The following DIP2B variants were observed in gnomAD, a reference collection of about 807,000 sequenced individuals.
DIP2B encodes the protein DIP2 acetate--CoA ligase B (putative).
Under a neutral mutation model 198.0 loss-of-function variants are expected in DIP2B, and 76 were observed. The observed-to-expected ratio is 0.38, with a 90% CI of 0.32 to 0.46. DIP2B has a LOEUF of 0.46. Among genes scored for constraint, DIP2B ranks in the 20% least tolerant of loss-of-function variants. The pLI is 0.99. For missense variants in DIP2B, 1,559 were observed against 1,978.4 expected (o/e 0.79, Z 4.02); for synonymous variants, 701 against 739.1 (o/e 0.95, Z 0.84).
At chr12:50,602,989 C>G (rs1448907478) in intron 1 of DIP2B, among the ~76,000 whole-genome samples, 1 of 151,418 alleles carries the variant, frequency 6.6e-6, no homozygotes, top group Non-Finnish European at 1.5e-5. Flanking sequence ...ACGGTGAAAC[C>G]CTGTCTCTAC....
At chr12:50,660,925 G>A (rs1330720083) in intron 4 of DIP2B, among the ~76,000 whole-genome samples, 1 of 152,064 alleles carries the variant, frequency 6.6e-6, no homozygotes, top group Non-Finnish European at 1.5e-5. Context: ...TGAGATCAGT[G>A]AGAACTAGGT....
At chr12:50,543,286 T>C (rs1958342719) in intron 1 of DIP2B, among the ~76,000 whole-genome samples, 1 of 151,920 alleles carries the variant, frequency 6.6e-6, no homozygotes, top group African/African-American at 2.4e-5. Context: ...AGTTTTTTTT[T>C]TTCCCCCTTT....
chr12:50,721,165 A>T, intron 25 of DIP2B, 108 bp from the exon 26 acceptor site: 1 of 1,457,552 alleles, frequency 6.9e-7, no homozygotes, highest in Non-Finnish European at 9.2e-7. Context: ...TGCTAAGGAT[A>T]ATCTACAAAA....
chr12:50,511,090 C>A (rs1220688713), intron 1 of DIP2B, among the ~76,000 whole-genome samples: 1 of 151,614 alleles, frequency 6.6e-6, no homozygotes, highest in South Asian at 2.1e-4. Flanking sequence ...GGATTACAGG[C>A]GCCCTCCACC....
chr12:50,680,668 C>A lies in DIP2B; in HGVS notation c.1115-4C>A. 8 of 1,550,764 alleles carry A rather than the reference C, an allele frequency of 5.2e-6. No individual in the cohort carries two copies. The highest frequency in any genetic ancestry group is 1.9e-5 in the Admixed American group (1 of 52,178). On this transcript the variant is annotated splice_polypyrimidine_tract_variant and splice_region_variant and intron_variant, in intron 8 of 37. Transcript: ENST00000301180. ...ACTGTTGTTTTTTTTTCCTTTTTTT[C>A]CAGGAAAGTTGTGGAGCAGAAGTTT...
chr12:50,535,252 T>C (rs577357246), intron 1 of DIP2B, among the ~76,000 whole-genome samples: 1 of 152,002 alleles, frequency 6.6e-6, no homozygotes, highest in Non-Finnish European at 1.5e-5. Context: ...AAAAATAAAT[T>C]AACTGGGCAG....
At chr12:50,553,120 G>A (rs12582712) in intron 1 of DIP2B, among the ~76,000 whole-genome samples, 41,538 of 152,128 alleles carry the variant, frequency 0.27, 6,008 homozygotes, top group East Asian at 0.39. Context: ...ACAGGTGTGA[G>A]CCACTGCACC....
chr12:50,623,392 TACACAC>T (rs55689070), intron 1 of DIP2B, among the ~76,000 whole-genome samples: 1,902 of 94,094 alleles, frequency 0.02, 93 homozygotes, highest in East Asian at 0.098. Context: ...TATATGTATC[TACACAC>T]ACACACACAC....
At chr12:50,574,096 G>C (rs1174511369) in intron 1 of DIP2B, among the ~76,000 whole-genome samples, 1 of 152,060 alleles carries the variant, frequency 6.6e-6, no homozygotes, top group Non-Finnish European at 1.5e-5. Flanking sequence ...ACAAACAAAT[G>C]TGAAGGACAA....
At chr12:50,734,604 G>C (rs1392697010) in intron 33 of DIP2B, among the ~76,000 whole-genome samples, 1 of 152,128 alleles carries the variant, frequency 6.6e-6, no homozygotes, top group Non-Finnish European at 1.5e-5. Context: ...GCCCAGAAGG[G>C]AATTTTAGCT....
chr12:50,539,654 G>A (rs987517399), intron 1 of DIP2B, among the ~76,000 whole-genome samples: 1 of 148,076 alleles, frequency 6.8e-6, no homozygotes, highest in African/African-American at 2.5e-5. Context: ...GATTAAAGAA[G>A]AATAATAGAT....
chr12:50,630,611 A>G (rs1938028385), intron 2 of DIP2B, among the ~76,000 whole-genome samples: 1 of 151,536 alleles, frequency 6.6e-6, no homozygotes, highest in Admixed American at 6.6e-5. Flanking sequence ...CTCTTAAAGG[A>G]CACAAGGACT....
chr12:50,594,890 A>G (rs1958865294), intron 1 of DIP2B, among the ~76,000 whole-genome samples: 1 of 152,124 alleles, frequency 6.6e-6, no homozygotes, highest in African/African-American at 2.4e-5. Context: ...TATCTGGCTT[A>G]TTTTAACAAT....
intron 13 of DIP2B, among the ~76,000 whole-genome samples, chr12:50,692,338 A>G (rs1409526703): frequency 6.6e-6 from 1 of 151,896 alleles, no homozygotes; most frequent in Non-Finnish European, 1.5e-5. Context: ...TAGGAAATTT[A>G]TATTTGTCAA....
chr12:50,516,406 C>G (rs1296017199), intron 1 of DIP2B, among the ~76,000 whole-genome samples: 2 of 152,086 alleles, frequency 1.3e-5, no homozygotes, highest in South Asian at 2.1e-4. Context: ...AGGCGTGTGC[C>G]ACCACACCTG....
rs12161809 is a variant in DIP2B, at chr12:50,543,154, G to A, written c.100+37914G>A. Among the ~76,000 whole-genome samples the A allele has an allele frequency of 8.8e-3, 1,342 of 152,072 alleles. 55 individuals carry two copies. In the East Asian group the frequency reaches 0.13, roughly 15 times the overall value. On this transcript the variant is annotated intron_variant, in intron 1 of 37. Coordinates refer to ENST00000301180, the MANE Select transcript of DIP2B (RefSeq NM_173602.3). Reference sequence around the variant, plus strand: ...TTCCCAAAGTGATGGGATTATAGGCGTGAGCCACCGTGCCTGTCCCAGAGG... The same window carrying A: ...TTCCCAAAGTGATGGGATTATAGGCATGAGCCACCGTGCCTGTCCCAGAGG...
At chr12:50,513,094 C>T (rs1215392524) in intron 1 of DIP2B, among the ~76,000 whole-genome samples, 4 of 152,126 alleles carry the variant, frequency 2.6e-5, no homozygotes, top group East Asian at 1.9e-4. Flanking sequence ...TATAGTATGG[C>T]GTGCGGTGAG....
chr12:50,732,767 A>C (rs1245357522), intron 32 of DIP2B, among the ~76,000 whole-genome samples: 1 of 152,178 alleles, frequency 6.6e-6, no homozygotes, highest in African/African-American at 2.4e-5. Context: ...TGAGCTGCCA[A>C]CTCGGAGTTC....
At chr12:50,628,232 G>A (rs144943445) in intron 2 of DIP2B, among the ~76,000 whole-genome samples, 2 of 152,216 alleles carry the variant, frequency 1.3e-5, no homozygotes, top group Non-Finnish European at 1.5e-5. Flanking sequence ...TTAGCCGGGC[G>A]TGGTGCTGCA....
Sources: gnomAD v4.1 joint callset for allele counts (sites outside exome capture counted in the v4.1 genomes callset) on GRCh38, gnomAD v4.1.1 for gene constraint, MANE v1.5 for transcripts, NCBI Gene and HGNC (gene_info 2026-07-23, HGNC 2026-07-21) for gene names.